The following CDYL variants were observed in gnomAD, a reference collection of about 807,000 sequenced individuals.
CDYL encodes chromodomain Y-like protein.
CDYL carries 8 observed loss-of-function variants against 47.3 expected under a neutral mutation model. That is an observed-to-expected ratio of 0.17 (90% confidence interval 0.10 to 0.31). The LOEUF (loss-of-function observed/expected upper bound fraction) is 0.31, where lower values mean the gene tolerates loss of function less well. Ranked by LOEUF, CDYL falls within the 10% of genes least tolerant of loss-of-function variation. The pLI, the probability that CDYL is intolerant of heterozygous loss-of-function variation, is 1.00. For missense variants in CDYL, 471 were observed against 701.4 expected (o/e 0.67, Z 3.71); for synonymous variants, 266 against 265.0 (o/e 1.00, Z -0.04).
At chr6:4,930,807 G>A (rs901022461) in intron 2 of CDYL, among the ~76,000 whole-genome samples, 2 of 152,260 alleles carry the variant, frequency 1.3e-5, no homozygotes, top group Non-Finnish European at 2.9e-5. Flanking sequence ...TTTCCTAGTC[G>A]AATGTTATGT....
rs562253260 is a variant in CDYL at position 4,929,573 on chromosome 6, C to G, written c.692-5942C>G. 1.7e-4 allele frequency among the ~76,000 whole-genome samples: 26 copies of G among 151,118 alleles called. 1 individual carries two copies. Among genetic ancestry groups the G allele is most frequent in the African/African-American group, 5.8e-4 (24 of 41,254 alleles). ...AGACTCAAATTACACATATGCTAGA[C>G]TGCTTAATATTGTCCTACAGGGCAC... On this transcript the variant is annotated intron_variant, in intron 2 of 6. Coordinates refer to ENST00000397588, the MANE Select transcript of CDYL (RefSeq NM_004824.4).
intron 3 of CDYL, among the ~76,000 whole-genome samples, chr6:4,738,335 C>T (rs765056923): frequency 1.3e-5 from 2 of 152,178 alleles, no homozygotes; most frequent in Non-Finnish European, 2.9e-5. Context: ...CAAGATTATA[C>T]ACCATTGCAC....
chr6:4,851,210 A>G (rs892792955), intron 1 of CDYL, among the ~76,000 whole-genome samples: 3 of 152,162 alleles, frequency 2.0e-5, no homozygotes, highest in Admixed American at 2.0e-4. Context: ...ACCTGGGCCA[A>G]AGTTACCTTT....
At chr6:4,924,940 A>G (rs1757823162) in intron 2 of CDYL, among the ~76,000 whole-genome samples, 1 of 152,254 alleles carries the variant, frequency 6.6e-6, no homozygotes, top group Admixed American at 6.5e-5. Context: ...AGCAAGTACT[A>G]CAATAAATAC....
At chr6:4,765,001 G>A (rs1369491082) in intron 3 of CDYL, among the ~76,000 whole-genome samples, 1 of 152,128 alleles carries the variant, frequency 6.6e-6, no homozygotes, top group Non-Finnish European at 1.5e-5. Context: ...AAATTCTACA[G>A]ATTATATTCT....
rs538529431 is a variant in CDYL at position 4,951,950 on chromosome 6, C to T, written c.1333-316C>T. 4.6e-5 allele frequency among the ~76,000 whole-genome samples: 7 copies of T among 152,194 alleles called. No individual in the cohort carries two copies. The South Asian group carries it at 6.2e-4, about 14-fold the overall frequency. On this transcript the variant is annotated intron_variant, in intron 5 of 6. Coordinates refer to ENST00000397588, the MANE Select transcript of CDYL (RefSeq NM_004824.4). Reference sequence around the variant, plus strand: ...GAAGCTATACCAGTAACTTTTTAAACGAATGGCAAAAAGACCTTTTCTATT... The same window carrying T: ...GAAGCTATACCAGTAACTTTTTAAATGAATGGCAAAAAGACCTTTTCTATT...
chr6:4,951,317 A>G (rs748422068), intron 5 of CDYL, among the ~76,000 whole-genome samples: 34 of 152,234 alleles, frequency 2.2e-4, no homozygotes, highest in Middle Eastern at 3.4e-3. Flanking sequence ...TTGTCCCCTC[A>G]GGCCAGTGTG....
At chr6:4,735,328 A>G (rs1034483479) in intron 3 of CDYL, among the ~76,000 whole-genome samples, 1 of 152,162 alleles carries the variant, frequency 6.6e-6, no homozygotes, top group Non-Finnish European at 1.5e-5. Context: ...TTAAGTTTAT[A>G]AAATAAAATA....
At chr6:4,942,421 G>GATTGCTGTGGTTTTAA (rs1372798330) in intron 4 of CDYL, among the ~76,000 whole-genome samples, 1 of 152,178 alleles carries the variant, frequency 6.6e-6, no homozygotes, top group African/African-American at 2.4e-5. Flanking sequence ...GATCTGAACA[G>GATTGCTGTGGTTTTAA]ATTGCTGTGG....
At chr6:4,878,489 C>A (rs1177921769) in intron 1 of CDYL, among the ~76,000 whole-genome samples, 1 of 151,716 alleles carries the variant, frequency 6.6e-6, no homozygotes, top group African/African-American at 2.4e-5. Flanking sequence ...TGTATATATT[C>A]ATACTTCTGT....
At chr6:4,711,197 G>C (rs963249596) in intron 1 of CDYL, among the ~76,000 whole-genome samples, 2 of 152,134 alleles carry the variant, frequency 1.3e-5, no homozygotes, top group Non-Finnish European at 2.9e-5. Flanking sequence ...CATGACCCTG[G>C]CCTCTAACGC....
At chr6:4,935,918 G>A in intron 3 of CDYL, 147 bp downstream of exon 3, 1 of 1,315,916 alleles carries the variant, frequency 7.6e-7, no homozygotes, top group Non-Finnish European at 1.0e-6. Context: ...AGGGAGCAGA[G>A]GGGAAGTTGC....
At chr6:4,779,653 T>G (rs192294256) in intron 1 of CDYL, among the ~76,000 whole-genome samples, 24 of 152,320 alleles carry the variant, frequency 1.6e-4, no homozygotes, top group Admixed American at 1.6e-3. Flanking sequence ...TCCCTACTTT[T>G]CCAGCTGCTA....
chr6:4,716,529 C>T (rs1732792594), intron 2 of CDYL, among the ~76,000 whole-genome samples: 2 of 151,476 alleles, frequency 1.3e-5, no homozygotes, highest in African/African-American at 4.9e-5. Flanking sequence ...TTTCCACTTC[C>T]TCCAAGTCAA....
intron 1 of CDYL, among the ~76,000 whole-genome samples, chr6:4,838,146 G>A (rs141530732): frequency 1.2e-3 from 180 of 151,902 alleles, no homozygotes; most frequent in African/African-American, 4.1e-3. Context: ...AAAGTTTTTC[G>A]GTATGTCTTT....
At chr6:4,838,868 G>A (rs1241403488) in intron 1 of CDYL, among the ~76,000 whole-genome samples, 4 of 152,082 alleles carry the variant, frequency 2.6e-5, no homozygotes, top group East Asian at 1.9e-4. Context: ...TGTATTTTTA[G>A]TAGAGACGGG....
intron 1 of CDYL, among the ~76,000 whole-genome samples, chr6:4,860,136 C>T (rs899907515): frequency 6.6e-6 from 1 of 151,952 alleles, no homozygotes; most frequent in African/African-American, 2.4e-5. Flanking sequence ...CTCCTGACCT[C>T]GTGATCCGCC....
intron 3 of CDYL, among the ~76,000 whole-genome samples, chr6:4,737,133 A>C (rs533412303): frequency 9.1e-4 from 139 of 152,294 alleles, no homozygotes; most frequent in African/African-American, 3.2e-3. Context: ...AAATAATAAT[A>C]AACATCTTTT....
intron 1 of CDYL, among the ~76,000 whole-genome samples, chr6:4,707,295 G>A (rs982015982): frequency 6.6e-6 from 1 of 152,036 alleles, no homozygotes; most frequent in African/African-American, 2.4e-5. Context: ...TTTTTTATTT[G>A]AGACAGAGTC....
Sources: allele counts gnomAD v4.1 joint callset (sites outside exome capture counted in the v4.1 genomes callset), GRCh38; gene constraint gnomAD v4.1.1; transcripts MANE v1.5; gene names NCBI Gene and HGNC (gene_info 2026-07-23, HGNC 2026-07-21).